NSG1: variants seen among roughly 807,000 people sequenced by gnomAD.
The protein encoded by NSG1 is neuronal vesicle trafficking associated 1, also known as neuronal vesicle trafficking-associated protein 1.
Under a neutral mutation model 19.3 loss-of-function variants are expected in NSG1, and 9 were observed. The ratio of observed to expected loss-of-function variants is 0.47; its 90% CI spans 0.28 to 0.81. The LOEUF is 0.81. NSG1 is among the 40% of genes least tolerant of loss of function. The probability of loss-of-function intolerance (pLI) is 0.11; values close to 1 mark genes in which losing one functional copy is unlikely to be tolerated. For missense variants in NSG1, 236 were observed against 242.4 expected, an observed-to-expected ratio of 0.97 and a Z score of 0.18; for synonymous variants, 104 against 107.0, an observed-to-expected ratio of 0.97 and a Z score of 0.17.
At chr4:4,413,880 T>G (rs1724365571) in intron 4 of NSG1, among the ~76,000 whole-genome samples, 1 of 151,660 alleles carries the variant, frequency 6.6e-6, no homozygotes, top group Non-Finnish European at 1.5e-5. Flanking sequence ...GAGAACTGAT[T>G]TAATCTGGGA....
chr4:4,414,227 C>T (rs1257900089), intron 4 of NSG1, among the ~76,000 whole-genome samples: 3 of 151,722 alleles, frequency 2.0e-5, no homozygotes, highest in African/African-American at 7.3e-5. Context: ...GGGAGATGAC[C>T]CAGGAGATGA....
At chr4:4,400,884 G>A (rs574132358) in intron 3 of NSG1, among the ~76,000 whole-genome samples, 251 of 152,258 alleles carry the variant, frequency 1.6e-3, no homozygotes, top group Non-Finnish European at 1.6e-3. Flanking sequence ...GTAATATTTC[G>A]ATACCAGTAT....
chr4:4,398,462 C>T (rs1382076546), intron 3 of NSG1, among the ~76,000 whole-genome samples: 1 of 152,172 alleles, frequency 6.6e-6, no homozygotes, highest in African/African-American at 2.4e-5. Flanking sequence ...CCCACAGCCC[C>T]TGGTTAGCCA....
intron 3 of NSG1, among the ~76,000 whole-genome samples, chr4:4,396,460 G>T (rs1189140791): frequency 6.6e-6 from 1 of 152,178 alleles, no homozygotes; most frequent in Non-Finnish European, 1.5e-5. Flanking sequence ...TGTCACCCTG[G>T]GGCCTTGAGA....
chr4:4,417,208 T>A (rs1724602900), intron 4 of NSG1, 27 bp from the exon 5 acceptor site: 8 of 1,608,358 alleles, frequency 5.0e-6, no homozygotes, highest in Non-Finnish European at 6.8e-6. Context: ...CACCGACGCG[T>A]GCTCTCAGTG....
chr4:4,391,913 CAG>C (rs1375212526), intron 3 of NSG1, among the ~76,000 whole-genome samples: 2 of 152,250 alleles, frequency 1.3e-5, no homozygotes, highest in African/African-American at 2.4e-5. Flanking sequence ...ATTTACTTAA[CAG>C]TTCCAGGAAG....
intron 4 of NSG1, chr4:4,416,262 G>T (rs1577298796): frequency 2.9e-6 from 2 of 700,602 alleles, no homozygotes; most frequent in East Asian, 5.4e-5. Flanking sequence ...CCTCCTGCCA[G>T]TGGCAGCCCC....
At chr4:4,405,629 G>A (rs1044923861) in intron 3 of NSG1, among the ~76,000 whole-genome samples, 1 of 152,204 alleles carries the variant, frequency 6.6e-6, no homozygotes, top group Admixed American at 6.5e-5. Context: ...ACCCCATGCT[G>A]TGCCCTGCAG....
At chr4:4,397,039 C>G (rs118052507) in intron 3 of NSG1, among the ~76,000 whole-genome samples, 3 of 150,146 alleles carry the variant, frequency 2.0e-5, no homozygotes, top group East Asian at 2.0e-4. Context: ...GTTCAGTCAT[C>G]TGTGTGTGTG....
chr4:4,393,487 A>G (rs1723098255), intron 3 of NSG1, among the ~76,000 whole-genome samples: 1 of 152,146 alleles, frequency 6.6e-6, no homozygotes, highest in South Asian at 2.1e-4. Context: ...ATGGGTGATT[A>G]TGCTCATCCC....
chr4:4,407,568 G>A (rs1162184907), intron 3 of NSG1, among the ~76,000 whole-genome samples: 1 of 152,158 alleles, frequency 6.6e-6, no homozygotes, highest in African/African-American at 2.4e-5. Context: ...GAGAGGCCAC[G>A]TCCCTCAGCT....
At chr4:4,386,701 G>A (rs1000676336), upstream of NSG1, 3 of 152,302 alleles carry the variant, frequency 2.0e-5, no homozygotes, top group Non-Finnish European at 4.4e-5. Flanking sequence ...ACCCCTGGGG[G>A]TCGCTCTGTC....
At chr4:4,390,054 C>T (rs77279873) in intron 2 of NSG1, among the ~76,000 whole-genome samples, 245 of 152,258 alleles carry the variant, frequency 1.6e-3, no homozygotes, top group South Asian at 3.7e-3. Context: ...TTGATGGGGC[C>T]CCCACATACG....
chr4:4,393,388 A>G (rs537612612), intron 3 of NSG1, among the ~76,000 whole-genome samples: 1 of 152,314 alleles, frequency 6.6e-6, no homozygotes, highest in South Asian at 2.1e-4. Flanking sequence ...TGGGTGATGC[A>G]TATTTGCCAC....
intron 3 of NSG1, among the ~76,000 whole-genome samples, chr4:4,404,599 T>G (rs894224147): frequency 6.6e-6 from 1 of 152,232 alleles, no homozygotes; most frequent in Non-Finnish European, 1.5e-5. Flanking sequence ...TCCAAGATGC[T>G]TCCGATCATG....
intron 3 of NSG1, among the ~76,000 whole-genome samples, chr4:4,401,976 G>C (rs1723570034): frequency 6.6e-6 from 1 of 151,544 alleles, no homozygotes; most frequent in Non-Finnish European, 1.5e-5. Flanking sequence ...AAACTCCCAG[G>C]CTGAAGCGAT....
chr4:4,400,345 C>G (rs1723484423), intron 3 of NSG1, among the ~76,000 whole-genome samples: 1 of 152,162 alleles, frequency 6.6e-6, no homozygotes, highest in African/African-American at 2.4e-5. Flanking sequence ...TAATACCACT[C>G]CGTTTTGATT....
chr4:4,400,321 A>G (rs568869127), intron 3 of NSG1, among the ~76,000 whole-genome samples: 1 of 152,180 alleles, frequency 6.6e-6, no homozygotes, highest in Non-Finnish European at 1.5e-5. Context: ...GGATTTATAT[A>G]TCTCGTCTTA....
At position 4,387,709 on chromosome 4, in the gene NSG1, T is replaced by G. The variant is rs752794888; in HGVS notation, c.80T>G (p.Leu27Arg). 6.2e-7 allele frequency: 1 copy of G among 1,613,422 alleles called. No individual in the cohort carries two copies. The change falls in exon 2 of 5, where the codon CTG (leucine) becomes CGG (arginine). Residue 27 changes from leucine to arginine, a missense_variant. Transcript: ENST00000621129. ...GAGGATGGCTTCGACACCATTCCCC[T>G]GATGACGCCCCTCGATGTCAATCAG... Reference protein sequence around the residue: ...LLEDGFDTIPLMTPLDVNQLQ... With the variant: ...LLEDGFDTIPRMTPLDVNQLQ...
Sources: allele counts gnomAD v4.1 joint callset (sites outside exome capture counted in the v4.1 genomes callset), GRCh38; gene constraint gnomAD v4.1.1; transcripts MANE v1.5; gene names NCBI Gene and HGNC (gene_info 2026-07-23, HGNC 2026-07-21).